Variants in HMCN1 observed in about 807,000 individuals in gnomAD.
HMCN1 encodes the protein hemicentin-1.
HMCN1 carries 321 observed loss-of-function variants against 625.9 expected under a neutral mutation model. That is an observed-to-expected ratio of 0.51 (90% CI 0.47 to 0.56). The LOEUF (loss-of-function observed/expected upper bound fraction) is 0.56. Ranked by LOEUF, HMCN1 falls within the 20% of genes least tolerant of loss-of-function variation. The pLI is 0.00. For missense variants in HMCN1, 6,588 were observed against 6,887.3 expected (o/e 0.96, Z 1.54); for synonymous variants, 2,425 against 2,417.6 (o/e 1.00, Z -0.09).
At chr1:186,114,375 G>C (rs943081689) in intron 73 of HMCN1, among the ~76,000 whole-genome samples, 9 of 152,118 alleles carry the variant, frequency 5.9e-5, no homozygotes, top group African/African-American at 1.9e-4. Context: ...TCCTGCCTCA[G>C]CCTCCCAAGT....
rs528526973 is a variant in HMCN1, at chr1:185,978,038, G to A, written c.2566+57G>A. 35 of 1,230,858 alleles carry A rather than the reference G, an allele frequency of 2.8e-5. No homozygotes were observed. In the Admixed American group the frequency reaches 3.4e-4, roughly 12 times the overall value. The allele number at this position is 1,230,858 out of a possible 1,614,324, so 76.2% of individuals were successfully genotyped here. A position where few individuals can be genotyped will look rare whatever the true frequency, so the allele number is the denominator to read the frequency against. On this transcript the variant is annotated intron_variant, in intron 16 of 106. Transcript: ENST00000271588. ...ATGTACTTTTATGTTATATATTTAT[G>A]TTTTATACATAGGTATTGCTATTTA... is the stretch of plus-strand genomic sequence containing the variant.
chr1:185,891,301 G>T (rs1331981366), intron 4 of HMCN1, among the ~76,000 whole-genome samples: 1 of 141,668 alleles, frequency 7.1e-6, no homozygotes, highest in Admixed American at 6.8e-5. Context: ...GGAGCATTTA[G>T]TCCATTTACA....
intron 48 of HMCN1, among the ~76,000 whole-genome samples, chr1:186,064,120 T>G (rs1242604029): frequency 6.6e-6 from 1 of 152,150 alleles, no homozygotes; most frequent in Non-Finnish European, 1.5e-5. Flanking sequence ...TGTTAATAAT[T>G]TTTTTCTAGA....
intron 36 of HMCN1, among the ~76,000 whole-genome samples, chr1:186,034,508 A>G (rs1327140426): frequency 2.6e-5 from 4 of 152,174 alleles, no homozygotes; most frequent in African/African-American, 4.8e-5. Flanking sequence ...ATAAAGTCAA[A>G]TCTTGCAAAC....
intron 93 of HMCN1, among the ~76,000 whole-genome samples, chr1:186,149,655 A>G (rs1650551474): frequency 6.6e-6 from 1 of 152,236 alleles, no homozygotes; most frequent in South Asian, 2.1e-4. Flanking sequence ...CAAGAGGCCT[A>G]GCTTTTGGCC....
At chr1:185,842,127 A>G (rs544668988) in intron 1 of HMCN1, among the ~76,000 whole-genome samples, 2 of 152,206 alleles carry the variant, frequency 1.3e-5, no homozygotes, top group South Asian at 4.1e-4. Flanking sequence ...CCCTTACTAC[A>G]TAGTACTATA....
rs141636835 is a variant in HMCN1 at position 186,117,193 on chromosome 1, CCTTTT to C, written c.11683+84_11683+88del. 826 of 1,574,330 alleles carry C rather than the reference CCTTTT, an allele frequency of 5.2e-4. 7 individuals are homozygous for C. The African/African-American group carries it at 9.4e-3, about 18-fold the overall frequency. ...ATTCTACTACTTTACAAAAGGGATCCCTTTTCTTTTTTTTTTTAAACATTTATTTT... is the reference window on the plus strand; with the variant it reads ...ATTCTACTACTTTACAAAAGGGATCCCTTTTTTTTTTTAAACATTTATTTT... On this transcript the variant is annotated intron_variant, in intron 76 of 106. Coordinates refer to ENST00000271588, the MANE Select transcript of HMCN1 (RefSeq NM_031935.3).
rs1001856899 is a variant in HMCN1, at chr1:186,137,784, T to C, written c.13754-18T>C. 10 of 1,613,990 alleles carry C rather than the reference T, an allele frequency of 6.2e-6. No homozygotes were observed. In the African/African-American group the frequency reaches 1.2e-4, roughly 19 times the overall value. ...AATTGAAATATACCTGATGGTGTAA[T>C]GGTTCACCTTTGTATAGTGGATGGT... On this transcript the variant is annotated intron_variant, in intron 88 of 106. Transcript: ENST00000271588.
At chr1:185,980,558 C>T (rs1270775467) in intron 16 of HMCN1, among the ~76,000 whole-genome samples, 1 of 152,142 alleles carries the variant, frequency 6.6e-6, no homozygotes, top group African/African-American at 2.4e-5. Context: ...GTCATTGCAT[C>T]AACTAAAAAA....
At chr1:185,774,112 C>G (rs1198026068) in intron 1 of HMCN1, among the ~76,000 whole-genome samples, 1 of 152,076 alleles carries the variant, frequency 6.6e-6, no homozygotes, top group African/African-American at 2.4e-5. Context: ...GATGCTCAGC[C>G]AGAAACTACC....
chr1:186,150,057 A>C (rs1650572447), intron 93 of HMCN1, among the ~76,000 whole-genome samples: 1 of 152,232 alleles, frequency 6.6e-6, no homozygotes. Flanking sequence ...ACAGGAACAC[A>C]AAGTGAGCAA....
intron 48 of HMCN1, 37 bp downstream of exon 48, chr1:186,062,637 C>T (rs776884441): frequency 1.5e-6 from 2 of 1,343,784 alleles, no homozygotes; most frequent in Non-Finnish European, 2.1e-6. Context: ...GTGCTCCCCC[C>T]ACTCACTGAT....
At chr1:185,803,631 A>G (rs1401132846) in intron 1 of HMCN1, among the ~76,000 whole-genome samples, 4 of 152,150 alleles carry the variant, frequency 2.6e-5, no homozygotes, top group Non-Finnish European at 4.4e-5. Flanking sequence ...TTGAATAGTT[A>G]GTACCTGTTT....
chr1:186,090,417 A>G (rs1340144760), intron 63 of HMCN1, among the ~76,000 whole-genome samples: 2 of 151,984 alleles, frequency 1.3e-5, no homozygotes. Flanking sequence ...AAAAAAATGC[A>G]CACTGCCTTA....
chr1:185,953,469 C>T (rs1200048964), intron 11 of HMCN1, among the ~76,000 whole-genome samples: 2 of 151,808 alleles, frequency 1.3e-5, no homozygotes, highest in Admixed American at 1.3e-4. Context: ...TAAAACGTGT[C>T]TCCTTTGTCT....
intron 4 of HMCN1, among the ~76,000 whole-genome samples, chr1:185,904,868 T>C (rs756227512): frequency 2.1e-4 from 32 of 151,778 alleles, no homozygotes; most frequent in Non-Finnish European, 4.4e-4. Context: ...CAGGCTTCAC[T>C]TACCAGATGG....
chr1:186,185,423 G>A (rs142345486), intron 105 of HMCN1, among the ~76,000 whole-genome samples: 15 of 152,252 alleles, frequency 9.9e-5, no homozygotes, highest in African/African-American at 3.6e-4. Context: ...AGCCCTCCTG[G>A]CTGATAAAAT....
chr1:185,781,719 A>T (rs1168605796), intron 1 of HMCN1, among the ~76,000 whole-genome samples: 1 of 152,054 alleles, frequency 6.6e-6, no homozygotes, highest in African/African-American at 2.4e-5. Flanking sequence ...GAGACAGTTT[A>T]TTATACTTTC....
chr1:185,958,331 C>G (rs769945930), intron 11 of HMCN1, among the ~76,000 whole-genome samples: 3 of 152,082 alleles, frequency 2.0e-5, no homozygotes, highest in Admixed American at 6.5e-5. Context: ...GTTACCCAGA[C>G]TGGTCTTGAA....
Sources: gnomAD v4.1 joint callset for allele counts (sites outside exome capture counted in the v4.1 genomes callset) on GRCh38, gnomAD v4.1.1 for gene constraint, MANE v1.5 for transcripts, NCBI Gene and HGNC (gene_info 2026-07-23, HGNC 2026-07-21) for gene names.